The following NEK1 variants were observed in gnomAD, a reference collection of about 807,000 sequenced individuals.
NEK1 encodes the protein serine/threonine-protein kinase Nek1.
Under a neutral mutation model 182.1 loss-of-function variants are expected in NEK1, and 137 were observed. That is an observed-to-expected ratio of 0.75 (90% CI 0.65 to 0.87). NEK1 has a LOEUF of 0.87. NEK1 is among the 40% of genes least tolerant of loss of function. The probability of loss-of-function intolerance (pLI) is 0.00; values close to 1 mark genes in which losing one functional copy is unlikely to be tolerated. For synonymous variants in NEK1, 513 were observed against 492.2 expected, an observed-to-expected ratio of 1.04 and a Z score of -0.56; for missense variants, 1,391 against 1,494.4, an observed-to-expected ratio of 0.93 and a Z score of 1.14.
chr4:169,433,470 C>A, intron 29 of NEK1, 75 bp downstream of exon 29: 1 of 1,373,636 alleles, frequency 7.3e-7, no homozygotes, highest in Non-Finnish European at 1.0e-6. Context: ...GCAATATTAG[C>A]TTATTATAGT....
At position 169,602,108 on chromosome 4, in the gene NEK1, A is replaced by G; in HGVS notation, c.118-4T>C. 6.3e-7 allele frequency: 1 copy of G among 1,598,366 alleles called. No homozygotes were observed. Among genetic ancestry groups the G allele is most frequent in the East Asian group, 2.2e-5 (1 of 44,746 alleles). ...CTTCTCTTTCTTTACTGGACATCTT[A>G]AATGGGAGGAAAAAGAAAATAGTAA... On this transcript the variant is annotated splice_region_variant and splice_polypyrimidine_tract_variant and intron_variant, in intron 3 of 35. Coordinates refer to ENST00000507142, the MANE Select transcript of NEK1 (RefSeq NM_001199397.3).
At chr4:169,571,469 C>G (rs1264758239) in intron 12 of NEK1, among the ~76,000 whole-genome samples, 1 of 152,006 alleles carries the variant, frequency 6.6e-6, no homozygotes, top group Admixed American at 6.6e-5. Flanking sequence ...AGAGTAGAAA[C>G]GTGGGAATGG....
intron 12 of NEK1, among the ~76,000 whole-genome samples, chr4:169,575,975 T>C (rs1031310362): frequency 4.6e-5 from 7 of 151,760 alleles, no homozygotes; most frequent in African/African-American, 1.7e-4. Flanking sequence ...CTTTTTTGTT[T>C]TTTTTTTTGA....
In NEK1 at chr4:169,610,222, G is replaced by A. The variant is rs1040455809; in HGVS notation, c.-49+1798C>T. Among the ~76,000 whole-genome samples, 6 of 152,014 alleles carry A rather than the reference G, an allele frequency of 3.9e-5. No homozygotes were observed. The South Asian group carries it at 1.0e-3, about 26-fold the overall frequency. ...TCGCCATACTGGCCAGGCTGGTCTC[G>A]AACTCCTGACCTCAAATGATCCACT... is the stretch of plus-strand genomic sequence containing the variant. On this transcript the variant is annotated intron_variant, in intron 2 of 35. Coordinates refer to ENST00000507142, the MANE Select transcript of NEK1 (RefSeq NM_001199397.3).
At chr4:169,607,151 T>C (rs1204262859) in intron 2 of NEK1, among the ~76,000 whole-genome samples, 1 of 152,234 alleles carries the variant, frequency 6.6e-6, no homozygotes, top group East Asian at 1.9e-4. Context: ...AAAGCAACCA[T>C]GGATAAAATC....
chr4:169,564,942 C>T (rs539302080), intron 12 of NEK1, among the ~76,000 whole-genome samples: 2 of 152,244 alleles, frequency 1.3e-5, no homozygotes, highest in Admixed American at 1.3e-4. Context: ...AAATCTCACA[C>T]CTGATTCCAC....
chr4:169,433,478 A>G, intron 29 of NEK1, 67 bp downstream of exon 29: 1 of 1,429,936 alleles, frequency 7.0e-7, no homozygotes. Context: ...AGCTTATTAT[A>G]GTATTTTCTT....
At chr4:169,486,030 A>G (rs1274095445) in intron 23 of NEK1, among the ~76,000 whole-genome samples, 1 of 152,316 alleles carries the variant, frequency 6.6e-6, no homozygotes, top group East Asian at 1.9e-4. Context: ...TGAGTGACAG[A>G]GCAAGACCCT....
At chr4:169,408,235 C>T (rs1388729941) in intron 31 of NEK1, among the ~76,000 whole-genome samples, 1 of 152,132 alleles carries the variant, frequency 6.6e-6, no homozygotes, top group East Asian at 1.9e-4. Flanking sequence ...CTAGTTTACT[C>T]CTTTTGTTAA....
intron 27 of NEK1, among the ~76,000 whole-genome samples, chr4:169,457,879 C>T (rs1444810941): frequency 6.6e-6 from 1 of 151,812 alleles, no homozygotes; most frequent in Non-Finnish European, 1.5e-5. Context: ...AAAAGATATA[C>T]TATGATGAAG....
intron 23 of NEK1, among the ~76,000 whole-genome samples, chr4:169,501,262 C>G (rs1752370600): frequency 6.6e-6 from 1 of 152,090 alleles, no homozygotes; most frequent in South Asian, 2.1e-4. Context: ...ACAATTACTA[C>G]TAGATCTAAG....
intron 19 of NEK1, among the ~76,000 whole-genome samples, chr4:169,532,772 T>G (rs768678608): frequency 5.4e-5 from 7 of 129,894 alleles, no homozygotes; most frequent in Non-Finnish European, 3.2e-5. Context: ...AAATCCTATC[T>G]CTACTGAAAA....
chr4:169,552,320 A>G (rs1444118433), intron 18 of NEK1, among the ~76,000 whole-genome samples: 1 of 151,986 alleles, frequency 6.6e-6, no homozygotes, highest in Non-Finnish European at 1.5e-5. Context: ...CATCACATCA[A>G]TAAGCTAAAG....
intron 12 of NEK1, among the ~76,000 whole-genome samples, chr4:169,570,582 C>T (rs13133209): frequency 0.17 from 25,662 of 150,722 alleles, 2,812 homozygotes; most frequent in South Asian, 0.31. Context: ...CCCGGCCAGC[C>T]GCCCCGTCCA....
intron 23 of NEK1, among the ~76,000 whole-genome samples, chr4:169,491,484 C>G (rs777144166): frequency 6.6e-6 from 1 of 152,086 alleles, no homozygotes; most frequent in Non-Finnish European, 1.5e-5. Flanking sequence ...TAAAAAAACC[C>G]TGCCAGCCAA....
Position 169,562,202 on chromosome 4 carries a change from C to A in NEK1, c.1021-6G>T. 1.3e-6 allele frequency: 2 copies of A among 1,519,096 alleles called. No individual in the cohort carries two copies. Among genetic ancestry groups the A allele is most frequent in the Non-Finnish European group, 1.8e-6 (2 of 1,131,518 alleles). The allele number at this position is 1,519,096 out of a possible 1,614,324, so 94.1% of individuals were successfully genotyped here. On this transcript the variant is annotated splice_region_variant and splice_polypyrimidine_tract_variant and intron_variant, in intron 12 of 35. Coordinates refer to ENST00000507142, the MANE Select transcript of NEK1 (RefSeq NM_001199397.3). ...TTCTCTGGAGTTTGATGGGCCTGGA[C>A]AAAAAGTAAAACTACAAATTAAATA... is the stretch of plus-strand genomic sequence containing the variant.
intron 35 of NEK1, among the ~76,000 whole-genome samples, chr4:169,399,431 G>A (rs1012382480): frequency 6.6e-6 from 1 of 151,932 alleles, no homozygotes. Context: ...ACAAAAAGTA[G>A]TCAGGTGTGG....
chr4:169,559,565 A>G (rs958703029), intron 16 of NEK1, among the ~76,000 whole-genome samples: 3 of 152,212 alleles, frequency 2.0e-5, no homozygotes, highest in African/African-American at 7.2e-5. Context: ...GGCAGAATGT[A>G]TATGTCTAGA....
At chr4:169,495,312 C>T (rs13131707) in intron 23 of NEK1, among the ~76,000 whole-genome samples, 12,816 of 145,342 alleles carry the variant, frequency 0.088, 737 homozygotes, top group African/African-American at 0.16. Context: ...GGCGCGATCT[C>T]GACTCACTGC....
Sources: gnomAD v4.1 joint callset for allele counts (sites outside exome capture counted in the v4.1 genomes callset) on GRCh38, gnomAD v4.1.1 for gene constraint, MANE v1.5 for transcripts, NCBI Gene and HGNC (gene_info 2026-07-23, HGNC 2026-07-21) for gene names.